Variants in CLYBL observed in about 807,000 individuals in gnomAD.
The protein encoded by CLYBL is citramalyl-CoA lyase, mitochondrial.
In CLYBL, 31 loss-of-function variants were observed where a neutral mutation model predicts 38.9. That is an observed-to-expected ratio of 0.80 (90% CI 0.60 to 1.08). CLYBL has a LOEUF of 1.08. Ranked by LOEUF, CLYBL falls within the 50% of genes least tolerant of loss-of-function variation. The pLI is 0.00. For synonymous variants in CLYBL, 171 were observed against 158.6 expected (o/e 1.08, Z -0.59); for missense variants, 434 against 411.6 (o/e 1.05, Z -0.47).
At chr13:99,904,063 C>A (rs12018768) in intron 8 of CLYBL, among the ~76,000 whole-genome samples, 11 of 150,640 alleles carry the variant, frequency 7.3e-5, no homozygotes, top group African/African-American at 2.4e-4. Context: ...AAAACAAAAA[C>A]AAAAAAACCC....
intron 1 of CLYBL, among the ~76,000 whole-genome samples, chr13:99,613,307 A>T (rs1386119222): frequency 6.6e-6 from 1 of 152,166 alleles, no homozygotes; most frequent in East Asian, 1.9e-4. Context: ...TCTGGTAAAG[A>T]AAAAACCAGA....
At chr13:99,835,738 T>C (rs1056275914) in intron 2 of CLYBL, among the ~76,000 whole-genome samples, 2 of 152,296 alleles carry the variant, frequency 1.3e-5, no homozygotes, top group Admixed American at 1.3e-4. Flanking sequence ...AGCTGAGTAG[T>C]TGAACAGCTG....
intron 7 of CLYBL, chr13:99,877,507 G>C: frequency 3.1e-6 from 1 of 325,192 alleles, no homozygotes; most frequent in Non-Finnish European, 5.8e-6. Flanking sequence ...TTACATTAGA[G>C]ACTTTCAGAG....
At chr13:99,870,496 G>T (rs2051859906) in intron 6 of CLYBL, among the ~76,000 whole-genome samples, 1 of 152,144 alleles carries the variant, frequency 6.6e-6, no homozygotes, top group South Asian at 2.1e-4. Context: ...ATGGAAAGAG[G>T]TATAATTCTA....
intron 1 of CLYBL, among the ~76,000 whole-genome samples, chr13:99,738,276 C>A (rs963398502): frequency 2.0e-5 from 3 of 152,130 alleles, no homozygotes; most frequent in Admixed American, 1.3e-4. Flanking sequence ...CTGGGATAGG[C>A]TTCTGTGTAT....
chr13:99,814,465 G>A (rs935357158), intron 2 of CLYBL, among the ~76,000 whole-genome samples: 25 of 152,220 alleles, frequency 1.6e-4, no homozygotes, highest in African/African-American at 6.0e-4. Flanking sequence ...GCTTATAATT[G>A]TAATTCCTGC....
chr13:99,622,287 C>T (rs893494581), intron 1 of CLYBL, among the ~76,000 whole-genome samples: 1 of 152,198 alleles, frequency 6.6e-6, no homozygotes. Flanking sequence ...GGTATAAGGA[C>T]GTGGACATCT....
chr13:99,866,163 C>G, intron 5 of CLYBL, 77 bp from the exon 6 acceptor site: 1 of 1,383,812 alleles, frequency 7.2e-7, no homozygotes, highest in South Asian at 1.2e-5. Context: ...TCTGTACAAA[C>G]TGAGGTTTTA....
At chr13:99,908,389 A>C (rs1204754857) in exon 10 of CLYBL, among the ~76,000 whole-genome samples, 2 of 152,204 alleles carry the variant, frequency 1.3e-5, no homozygotes, top group African/African-American at 2.4e-5. Flanking sequence ...TCAAAGAAAG[A>C]CCAGAAGCCA....
intron 1 of CLYBL, among the ~76,000 whole-genome samples, chr13:99,679,204 G>A (rs925804344): frequency 2.0e-5 from 3 of 151,404 alleles, no homozygotes; most frequent in Non-Finnish European, 4.4e-5. Context: ...TGAGGCAGGA[G>A]AATGGCGTGA....
intron 2 of CLYBL, among the ~76,000 whole-genome samples, chr13:99,782,641 G>A (rs899262273): frequency 3.3e-5 from 5 of 151,888 alleles, no homozygotes; most frequent in Non-Finnish European, 5.9e-5. Context: ...TTTTCCCTTG[G>A]TATACTGAAG....
chr13:99,721,747 A>G (rs547017820), intron 1 of CLYBL, among the ~76,000 whole-genome samples: 1 of 151,808 alleles, frequency 6.6e-6, no homozygotes, highest in Admixed American at 6.6e-5. Flanking sequence ...ACTTGTTTCC[A>G]GTTCCCAGGT....
At chr13:99,650,964 G>A (rs2047244989) in intron 1 of CLYBL, among the ~76,000 whole-genome samples, 1 of 152,124 alleles carries the variant, frequency 6.6e-6, no homozygotes. Flanking sequence ...AATTCTCAGG[G>A]TGGTGAGATA....
At chr13:99,715,832 T>C (rs1464437599) in intron 1 of CLYBL, among the ~76,000 whole-genome samples, 1 of 152,154 alleles carries the variant, frequency 6.6e-6, no homozygotes, top group East Asian at 1.9e-4. Flanking sequence ...TAGTCAGTGT[T>C]TTCACTTGTT....
In CLYBL at chr13:99,698,506, C is replaced by T. The variant is rs577822759; in HGVS notation, c.63-74318C>T. Among the ~76,000 whole-genome samples the T allele has an allele frequency of 6.6e-5, 10 of 152,254 alleles. No homozygotes were observed. The East Asian group carries it at 1.2e-3, about 18-fold the overall frequency. On this transcript the variant is annotated intron_variant, in intron 1 of 8. Transcript: ENST00000339105. The stretch of plus-strand genomic sequence containing the variant: ...GATTTGGGAATAAAATGTCATTTGA[C>T]GTGACAGAAATGAACCCTTGGAGGC...
At chr13:99,871,110 G>A in intron 7 of CLYBL, 48 bp downstream of exon 7, 1 of 1,602,772 alleles carries the variant, frequency 6.2e-7, no homozygotes, top group Non-Finnish European at 8.5e-7. Flanking sequence ...TGAAAATATT[G>A]TCGGGAAGAA....
chr13:99,632,918 A>T (rs577730014), intron 1 of CLYBL, among the ~76,000 whole-genome samples: 4 of 152,322 alleles, frequency 2.6e-5, no homozygotes, highest in Admixed American at 2.6e-4. Context: ...TACACAATGA[A>T]TGAACAGATA....
chr13:99,681,072 CAA>C (rs2047727357), intron 1 of CLYBL, among the ~76,000 whole-genome samples: 1 of 152,152 alleles, frequency 6.6e-6, no homozygotes, highest in Non-Finnish European at 1.5e-5. Flanking sequence ...AGTCTGTGAA[CAA>C]AGTCCTAAGA....
intron 2 of CLYBL, among the ~76,000 whole-genome samples, chr13:99,821,459 A>C (rs577426422): frequency 6.6e-6 from 1 of 152,088 alleles, no homozygotes; most frequent in Non-Finnish European, 1.5e-5. Context: ...TATACACTTA[A>C]TTTTCTTTTC....
Sources: gnomAD v4.1 joint callset for allele counts (sites outside exome capture counted in the v4.1 genomes callset) on GRCh38, gnomAD v4.1.1 for gene constraint, MANE v1.5 for transcripts, NCBI Gene and HGNC (gene_info 2026-07-23, HGNC 2026-07-21) for gene names.